ZBTB20: variants seen among roughly 807,000 people sequenced by gnomAD.
ZBTB20 encodes zinc finger and BTB domain containing 20.
In ZBTB20, 9 loss-of-function variants were observed where a neutral mutation model predicts 56.9. The observed-to-expected ratio is 0.16, with a 90% CI of 0.10 to 0.28. ZBTB20 has a LOEUF of 0.28. Among genes scored for constraint, ZBTB20 ranks in the 10% least tolerant of loss-of-function variants. ZBTB20 has a pLI of 1.00. For synonymous variants in ZBTB20, 417 were observed against 420.7 expected, an observed-to-expected ratio of 0.99 and a Z score of 0.11; for missense variants, 655 against 1,003.0, an observed-to-expected ratio of 0.65 and a Z score of 4.69.
chr3:114,598,382 TACAGAA>T (rs1242684703), intron 6 of ZBTB20, among the ~76,000 whole-genome samples: 1 of 137,094 alleles, frequency 7.3e-6, no homozygotes, highest in Admixed American at 8.0e-5. Context: ...TTATACACCC[TACAGAA>T]AATACTGTAA....
intron 4 of ZBTB20, among the ~76,000 whole-genome samples, chr3:114,878,656 C>T (rs145692076): frequency 9.9e-5 from 15 of 151,334 alleles, no homozygotes; most frequent in South Asian, 2.1e-4. Context: ...CTCTGTGATA[C>T]GGGGTGAGTC....
chr3:115,138,594 A>G (rs1203701691), intron 1 of ZBTB20, among the ~76,000 whole-genome samples: 1 of 152,026 alleles, frequency 6.6e-6, no homozygotes, highest in Admixed American at 6.6e-5. Context: ...GCTGTACTTG[A>G]GTTTAATTTC....
At chr3:114,806,905 C>T (rs139792613) in intron 4 of ZBTB20, among the ~76,000 whole-genome samples, 1,755 of 151,996 alleles carry the variant, frequency 0.012, 16 homozygotes, top group South Asian at 0.042. Flanking sequence ...GCCTTGGCAC[C>T]TTTGTCAAAT....
chr3:114,348,301 T>G (rs1202842293), intron 11 of ZBTB20, among the ~76,000 whole-genome samples: 1 of 152,210 alleles, frequency 6.6e-6, no homozygotes, highest in Non-Finnish European at 1.5e-5. Context: ...CCATGTTCCT[T>G]AATTTAATGG....
rs187451176 is a variant in ZBTB20 at position 114,682,094 on chromosome 3, G to C, written c.-295+11434C>G. Reference sequence around the variant, plus strand: ...TCTGATTTAAATTTCACAAAAAAAGGATGGTGAATGTGGAATAAATCTTCA... The same window carrying C: ...TCTGATTTAAATTTCACAAAAAAAGCATGGTGAATGTGGAATAAATCTTCA... On this transcript the variant is annotated intron_variant, in intron 6 of 11. Coordinates refer to ENST00000675478, the MANE Select transcript of ZBTB20 (RefSeq NM_001348800.3). 1.5e-3 allele frequency among the ~76,000 whole-genome samples: 222 copies of C among 152,160 alleles called. 1 individual carries two copies. Among genetic ancestry groups the C allele is most frequent in the Middle Eastern group, 3.4e-3 (1 of 294 alleles).
rs990942862 is a variant in ZBTB20, at chr3:115,072,710, C to A, written c.-702-1296G>T. The stretch of plus-strand genomic sequence containing the variant: ...TAGCAATCTAAAAAGAACACTGGCT[C>A]TCCCTCTCTGGCCCTTCTCCACTAC... On this transcript the variant is annotated intron_variant, in intron 1 of 11. Transcript: ENST00000675478. Among the ~76,000 whole-genome samples, 12 of 152,148 alleles carry A rather than the reference C, an allele frequency of 7.9e-5. 1 individual carries two copies. Among genetic ancestry groups the A allele is most frequent in the African/African-American group, 2.2e-4 (9 of 41,436 alleles).
intron 1 of ZBTB20, among the ~76,000 whole-genome samples, chr3:115,085,934 T>A (rs1294207651): frequency 1.3e-5 from 2 of 151,858 alleles, no homozygotes; most frequent in African/African-American, 4.8e-5. Flanking sequence ...CACTCAAATT[T>A]AGGAGTTCAT....
intron 5 of ZBTB20, among the ~76,000 whole-genome samples, chr3:114,713,514 G>C (rs1409891470): frequency 2.0e-5 from 3 of 152,110 alleles, no homozygotes; most frequent in Non-Finnish European, 2.9e-5. Flanking sequence ...ACAGTCCCCT[G>C]TGGTCTCCTT....
intron 4 of ZBTB20, among the ~76,000 whole-genome samples, chr3:114,802,552 T>C (rs1023650289): frequency 6.6e-6 from 1 of 151,792 alleles, no homozygotes; most frequent in African/African-American, 2.4e-5. Context: ...AGGCTAAAAA[T>C]GAACCAGCGT....
At chr3:114,915,812 T>C (rs533828962) in intron 3 of ZBTB20, among the ~76,000 whole-genome samples, 2 of 152,084 alleles carry the variant, frequency 1.3e-5, no homozygotes, top group Admixed American at 6.6e-5. Context: ...AATTTCTTCA[T>C]TGACCAACTG....
intron 3 of ZBTB20, among the ~76,000 whole-genome samples, chr3:114,934,273 C>T (rs1576364312): frequency 6.6e-6 from 1 of 152,176 alleles, no homozygotes; most frequent in Non-Finnish European, 1.5e-5. Context: ...ATCTTTTAGA[C>T]CTCCACTTAC....
chr3:114,699,602 C>T (rs1272577989), intron 5 of ZBTB20, among the ~76,000 whole-genome samples: 3 of 152,072 alleles, frequency 2.0e-5, no homozygotes, highest in East Asian at 1.9e-4. Flanking sequence ...TAGCCATATT[C>T]TTTTAAAAAA....
intron 2 of ZBTB20, among the ~76,000 whole-genome samples, chr3:115,059,603 A>G (rs1394372829): frequency 6.6e-6 from 1 of 152,182 alleles, no homozygotes; most frequent in African/African-American, 2.4e-5. Context: ...AATAGGCTCA[A>G]GGCAATCCTT....
intron 7 of ZBTB20, among the ~76,000 whole-genome samples, chr3:114,482,196 G>A (rs898554996): frequency 2.0e-5 from 3 of 152,196 alleles, no homozygotes; most frequent in Admixed American, 6.5e-5. Flanking sequence ...AAGACTTGAG[G>A]AGGCCTTGGA....
chr3:114,816,458 A>C (rs72956266), intron 4 of ZBTB20, among the ~76,000 whole-genome samples: 2,504 of 152,338 alleles, frequency 0.016, 76 homozygotes, highest in African/African-American at 0.056. Context: ...ACCATTCCAC[A>C]GGGACAGGTA....
intron 6 of ZBTB20, among the ~76,000 whole-genome samples, chr3:114,539,512 A>C (rs2048868145): frequency 6.6e-6 from 1 of 152,142 alleles, no homozygotes; most frequent in Non-Finnish European, 1.5e-5. Flanking sequence ...CAGATAAAGA[A>C]ACACAGGAAC....
chr3:114,890,974 A>T (rs1490942804), intron 4 of ZBTB20, among the ~76,000 whole-genome samples: 1 of 151,658 alleles, frequency 6.6e-6, no homozygotes, highest in African/African-American at 2.4e-5. Context: ...CTTATGTCCT[A>T]TGCTTCATGT....
intron 4 of ZBTB20, among the ~76,000 whole-genome samples, chr3:114,804,728 T>G (rs1015908586): frequency 7.2e-5 from 11 of 151,928 alleles, no homozygotes; most frequent in African/African-American, 2.2e-4. Flanking sequence ...TCAATTGTTT[T>G]TCCAATTATA....
chr3:115,011,158 A>G (rs1001837739), intron 2 of ZBTB20, among the ~76,000 whole-genome samples: 2 of 151,920 alleles, frequency 1.3e-5, no homozygotes, highest in Non-Finnish European at 2.9e-5. Flanking sequence ...TACAGGATCT[A>G]AAAAATAGCT....
Sources: gnomAD v4.1 joint callset for allele counts (sites outside exome capture counted in the v4.1 genomes callset) on GRCh38, gnomAD v4.1.1 for gene constraint, MANE v1.5 for transcripts, NCBI Gene and HGNC (gene_info 2026-07-23, HGNC 2026-07-21) for gene names.